Variants in ZNF536 observed in about 807,000 individuals in gnomAD.
ZNF536 encodes zinc finger protein 536.
ZNF536 carries 13 observed loss-of-function variants against 84.5 expected under a neutral mutation model. The observed-to-expected ratio is 0.15, with a 90% CI of 0.10 to 0.24. The LOEUF (loss-of-function observed/expected upper bound fraction) is 0.24. Among genes scored for constraint, ZNF536 ranks in the 10% least tolerant of loss-of-function variants. ZNF536 has a pLI of 1.00. For missense variants in ZNF536, 1,536 were observed against 1,747.5 expected, an observed-to-expected ratio of 0.88 and a Z score of 2.16; for synonymous variants, 811 against 742.5, an observed-to-expected ratio of 1.09 and a Z score of -1.50.
At chr19:30,636,193 T>C (rs1337379677) in intron 1 of ZNF536, among the ~76,000 whole-genome samples, 1 of 152,190 alleles carries the variant, frequency 6.6e-6, no homozygotes, top group East Asian at 1.9e-4. Context: ...CTGGCTTTTC[T>C]TATCTAGGCT....
chr19:30,258,103 C>G (rs1218242453), intron 1 of ZNF536, among the ~76,000 whole-genome samples: 1 of 152,178 alleles, frequency 6.6e-6, no homozygotes, highest in East Asian at 1.9e-4. Flanking sequence ...GCCATTTTGG[C>G]CATCACCCTT....
chr19:30,690,875 A>G (rs1328238368), intron 1 of ZNF536, among the ~76,000 whole-genome samples: 1 of 152,090 alleles, frequency 6.6e-6, no homozygotes, highest in Non-Finnish European at 1.5e-5. Context: ...TCCCCTGCAA[A>G]CAACATGATT....
chr19:30,288,728 A>C (rs2045733125), intron 2 of ZNF536, among the ~76,000 whole-genome samples: 1 of 152,206 alleles, frequency 6.6e-6, no homozygotes, highest in Non-Finnish European at 1.5e-5. Context: ...TGGGAACAAC[A>C]TGACAGTCTG....
chr19:30,561,147 A>G (rs1159737388), downstream of ZNF536, among the ~76,000 whole-genome samples: 1 of 152,250 alleles, frequency 6.6e-6, no homozygotes, highest in African/African-American at 2.4e-5. Flanking sequence ...AATTATCCAC[A>G]TAAAAGGAGA....
intron 1 of ZNF536, among the ~76,000 whole-genome samples, chr19:30,573,963 C>G (rs1007677687): frequency 6.6e-6 from 1 of 152,178 alleles, no homozygotes; most frequent in South Asian, 2.1e-4. Flanking sequence ...GCTGTCTTTC[C>G]AAAATCCCAG....
intron 1 of ZNF536, among the ~76,000 whole-genome samples, chr19:30,570,058 A>G (rs1304401394): frequency 1.3e-5 from 2 of 152,160 alleles, no homozygotes; most frequent in Non-Finnish European, 2.9e-5. Context: ...AATGCACAGG[A>G]CAGCCCCTAC....
chr19:30,394,164 C>T (rs375410087), intron 1 of ZNF536, among the ~76,000 whole-genome samples: 1 of 152,156 alleles, frequency 6.6e-6, no homozygotes, highest in Non-Finnish European at 1.5e-5. Context: ...CACGGGACCC[C>T]CTTGGATGGT....
At chr19:30,475,163 C>T (rs1277421551) in intron 2 of ZNF536, among the ~76,000 whole-genome samples, 2 of 152,182 alleles carry the variant, frequency 1.3e-5, no homozygotes, top group Non-Finnish European at 2.9e-5. Flanking sequence ...TCACTGCAAC[C>T]TTCGTCTCCC....
intron 1 of ZNF536, among the ~76,000 whole-genome samples, chr19:30,269,927 C>T (rs1388618415): frequency 6.6e-6 from 1 of 152,192 alleles, no homozygotes; most frequent in Non-Finnish European, 1.5e-5. Flanking sequence ...TTTATTTTTC[C>T]ACAGTCGTTA....
At chr19:30,553,646 A>T (rs1440402521) in intron 4 of ZNF536, among the ~76,000 whole-genome samples, 1 of 152,216 alleles carries the variant, frequency 6.6e-6, no homozygotes, top group Non-Finnish European at 1.5e-5. Context: ...CACTCAGGGA[A>T]GGCTGGCTGA....
chr19:30,603,805 A>G (rs2047774579), intron 1 of ZNF536, among the ~76,000 whole-genome samples: 1 of 152,152 alleles, frequency 6.6e-6, no homozygotes, highest in Non-Finnish European at 1.5e-5. Context: ...AAATATGTGC[A>G]CAGGCCAGGC....
intron 1 of ZNF536, among the ~76,000 whole-genome samples, chr19:30,400,886 T>C (rs956994502): frequency 1.3e-5 from 2 of 152,218 alleles, no homozygotes; most frequent in Admixed American, 6.5e-5. Context: ...TATTAATTTT[T>C]CCTTTTGTGA....
chr19:30,660,757 G>A (rs993474725), intron 1 of ZNF536, among the ~76,000 whole-genome samples: 13 of 152,146 alleles, frequency 8.5e-5, no homozygotes, highest in African/African-American at 2.4e-4. Context: ...GATTTGTGCC[G>A]TCATGATTGA....
chr19:30,418,693 A>T (rs2072273003), intron 1 of ZNF536, among the ~76,000 whole-genome samples: 1 of 152,118 alleles, frequency 6.6e-6, no homozygotes, highest in African/African-American at 2.4e-5. Context: ...GTCTATGATG[A>T]TGTGCCCGTC....
rs887190724 is a variant in ZNF536 at position 30,669,016 on chromosome 19, C to T, written c.170-41741C>T. On this transcript the variant is annotated intron_variant, in intron 1 of 1. Transcript: ENST00000592773. ...GGGGGCAAGGGTTGTCGGGGGACCC[C>T]CTCACACGCCTGGGTGCATTGTGCT... is the stretch of plus-strand genomic sequence containing the variant. Among the ~76,000 whole-genome samples the T allele has an allele frequency of 2.0e-5, 3 of 152,208 alleles. No homozygotes were observed. The East Asian group carries it at 5.8e-4, about 29-fold the overall frequency.
chr19:30,370,871 T>A (rs2048590474), upstream of ZNF536, among the ~76,000 whole-genome samples: 1 of 152,266 alleles, frequency 6.6e-6, no homozygotes, highest in African/African-American at 2.4e-5. Context: ...AAAAACGTAA[T>A]TGCTTCTTAA....
intron 1 of ZNF536, among the ~76,000 whole-genome samples, chr19:30,270,971 A>G (rs1275897422): frequency 6.6e-6 from 1 of 152,060 alleles, no homozygotes; most frequent in Non-Finnish European, 1.5e-5. Context: ...TTTCTGAAAC[A>G]TCTGCCATCC....
intron 1 of ZNF536, among the ~76,000 whole-genome samples, chr19:30,440,504 C>T (rs997224680): frequency 1.3e-5 from 2 of 152,310 alleles, no homozygotes; most frequent in African/African-American, 4.8e-5. Context: ...CACACTGAAC[C>T]TAAGATAAGC....
At chr19:30,489,441 G>A (rs908849449) in intron 2 of ZNF536, among the ~76,000 whole-genome samples, 5 of 152,040 alleles carry the variant, frequency 3.3e-5, no homozygotes, top group African/African-American at 1.2e-4. Flanking sequence ...AATTAGCGAG[G>A]TGTGGTGGTG....
Sources: gnomAD v4.1 joint callset for allele counts (sites outside exome capture counted in the v4.1 genomes callset) on GRCh38, gnomAD v4.1.1 for gene constraint, MANE v1.5 for transcripts, NCBI Gene and HGNC (gene_info 2026-07-23, HGNC 2026-07-21) for gene names.